Variants in UBXN11 observed in about 807,000 individuals in gnomAD.
The protein encoded by UBXN11 is UBX domain protein 11, also known as UBX domain-containing protein 11.
In UBXN11, 47 loss-of-function variants were observed where a neutral mutation model predicts 62.8. That is an observed-to-expected ratio of 0.75 (90% CI 0.59 to 0.95). The LOEUF is 0.95. Ranked by LOEUF, UBXN11 falls within the 40% of genes least tolerant of loss-of-function variation. UBXN11 has a pLI of 0.00. For missense variants in UBXN11, 638 were observed against 661.7 expected (o/e 0.96, Z 0.39); for synonymous variants, 294 against 267.0 (o/e 1.10, Z -0.99).
intron 8 of UBXN11, among the ~76,000 whole-genome samples, chr1:26,289,697 G>A (rs182766546): frequency 2.2e-4 from 33 of 152,326 alleles, no homozygotes; most frequent in African/African-American, 6.5e-4. Context: ...ACAATGGCAT[G>A]TGTAAGTATC....
At chr1:26,295,860 C>T (rs886648412) in intron 7 of UBXN11, among the ~76,000 whole-genome samples, 1 of 152,250 alleles carries the variant, frequency 6.6e-6, no homozygotes, top group Non-Finnish European at 1.5e-5. Flanking sequence ...CAAGCAGATC[C>T]TCCAGATGAG....
At chr1:26,301,598 A>G (rs2073535565) in intron 3 of UBXN11, 96 bp downstream of exon 3, 5 of 1,539,782 alleles carry the variant, frequency 3.2e-6, no homozygotes, top group Non-Finnish European at 4.4e-6. Flanking sequence ...TCCAGCTGAC[A>G]AGGGCCTTTC....
intron 7 of UBXN11, among the ~76,000 whole-genome samples, chr1:26,295,370 G>A (rs1203062185): frequency 2.6e-5 from 4 of 151,940 alleles, no homozygotes; most frequent in East Asian, 1.9e-4. Context: ...TGCTTCCCCC[G>A]TCCTCTCCTC....
chr1:26,305,079 T>C (rs1488845780), intron 1 of UBXN11, among the ~76,000 whole-genome samples: 1 of 152,182 alleles, frequency 6.6e-6, no homozygotes. Context: ...TTTGTATCCT[T>C]CACCCAGCTC....
intron 1 of UBXN11, among the ~76,000 whole-genome samples, chr1:26,315,792 T>C (rs2073785044): frequency 6.6e-6 from 1 of 152,120 alleles, no homozygotes; most frequent in African/African-American, 2.4e-5. Context: ...CCCGAGTAGC[T>C]GGGATTACAG....
intron 1 of UBXN11, among the ~76,000 whole-genome samples, chr1:26,305,133 C>T (rs1348239138): frequency 6.6e-6 from 1 of 152,092 alleles, no homozygotes; most frequent in African/African-American, 2.4e-5. Context: ...TGGAGTCTCG[C>T]TCTGTCGCCC....
chr1:26,302,713 G>T (rs2073568800), intron 2 of UBXN11, 100 bp downstream of exon 2: 4 of 1,308,638 alleles, frequency 3.1e-6, no homozygotes, highest in Non-Finnish European at 3.1e-6. Context: ...GCCCTTCTTT[G>T]TATTCCCCAA....
At chr1:26,283,784 GGA>G (rs1557678942) in intron 12 of UBXN11, among the ~76,000 whole-genome samples, 1 of 152,212 alleles carries the variant, frequency 6.6e-6, no homozygotes, top group Admixed American at 6.5e-5. Flanking sequence ...AGCAGAATAG[GGA>G]GCGAGGAGAC....
upstream of UBXN11, among the ~76,000 whole-genome samples, chr1:26,309,375 GA>G (rs1316254689): frequency 9.2e-5 from 14 of 151,544 alleles, no homozygotes; most frequent in East Asian, 2.7e-3. Flanking sequence ...GAGTAGCTGG[GA>G]TTACAGGCAA....
rs748933474 is a variant in UBXN11, at chr1:26,285,882, G to A, written c.715C>T (p.Arg239Trp). ...CCGTCGAACATCATGATGCCATTCC[G>A]GTAGAGCTTCAGCGGGATGGGCTCG... Reference protein sequence around the residue: ...TLEPIPLKLYRNGIMMFDGPF... With the variant: ...TLEPIPLKLYWNGIMMFDGPF... The change falls in exon 9 of 15, where the codon CGG (arginine) becomes TGG (tryptophan). Residue 239 changes from arginine to tryptophan, a missense_variant. By Grantham distance (101) the Arg-to-Trp change is moderately radical. Transcript: ENST00000374222. 2.6e-5 allele frequency: 42 copies of A among 1,613,098 alleles called. No homozygotes were observed. Among genetic ancestry groups the A allele is most frequent in the Middle Eastern group, 1.6e-4 (1 of 6,080 alleles).
At chr1:26,308,855 C>T (rs1004055983), upstream of UBXN11, among the ~76,000 whole-genome samples, 6 of 152,042 alleles carry the variant, frequency 3.9e-5, no homozygotes, top group Non-Finnish European at 7.3e-5. Context: ...CTGTAGATTC[C>T]GCAGCAGGCA....
chr1:26,296,294 G>T, intron 7 of UBXN11, among the ~76,000 whole-genome samples: 1 of 152,250 alleles, frequency 6.6e-6, no homozygotes, highest in East Asian at 1.9e-4. Context: ...AACCAATTCA[G>T]TGCTAGGTCC....
At chr1:26,297,588 C>T in intron 5 of UBXN11, 107 bp from the exon 6 acceptor site, 2 of 1,311,616 alleles carry the variant, frequency 1.5e-6, no homozygotes, top group East Asian at 2.6e-5. Flanking sequence ...GAGCAGCAAG[C>T]CCCTGCCACC....
At chr1:26,306,797 C>T (rs2073678231), upstream of UBXN11, 1 of 104,922 alleles carries the variant, frequency 9.5e-6, no homozygotes. Context: ...CAGAATGCAC[C>T]GCTCTGAGAG....
chr1:26,285,296 C>T (rs960860209), intron 10 of UBXN11, 168 bp downstream of exon 10: 16 of 1,434,510 alleles, frequency 1.1e-5, no homozygotes, highest in Non-Finnish European at 1.4e-5. Flanking sequence ...CGGGCCTCTC[C>T]GCTCCCTTCC....
chr1:26,301,095 G>T, intron 3 of UBXN11, 71 bp from the exon 4 acceptor site: 1 of 1,610,204 alleles, frequency 6.2e-7, no homozygotes, highest in South Asian at 1.1e-5. Flanking sequence ...CTGGGCCCTC[G>T]CCAGTGTGAC....
intron 3 of UBXN11, 157 bp from the exon 4 acceptor site, chr1:26,301,181 A>C: frequency 3.6e-6 from 5 of 1,398,902 alleles, no homozygotes; most frequent in African/African-American, 1.4e-5. Context: ...TCCAACCAGA[A>C]TGGGGCTGTT....
intron 1 of UBXN11, among the ~76,000 whole-genome samples, chr1:26,315,429 A>G (rs1185091847): frequency 2.0e-5 from 3 of 152,218 alleles, no homozygotes; most frequent in African/African-American, 7.2e-5. Flanking sequence ...CTTCTGGCAC[A>G]GGACACCTCC....
chr1:26,317,434 C>T (rs1158995396), intron 1 of UBXN11, among the ~76,000 whole-genome samples: 1 of 152,120 alleles, frequency 6.6e-6, no homozygotes, highest in Non-Finnish European at 1.5e-5. Context: ...AAACATTTCC[C>T]AAGCTTTCAT....
Sources: allele counts gnomAD v4.1 joint callset (sites outside exome capture counted in the v4.1 genomes callset), GRCh38; gene constraint gnomAD v4.1.1; transcripts MANE v1.5; gene names NCBI Gene and HGNC (gene_info 2026-07-23, HGNC 2026-07-21).